NAV3: variants seen among roughly 807,000 people sequenced by gnomAD.
NAV3 encodes the protein neuron navigator 3, also known as pore membrane and/or filament interacting like protein 1.
In NAV3, 87 loss-of-function variants were observed where a neutral mutation model predicts 244.7. The ratio of observed to expected loss-of-function variants is 0.36; its 90% CI spans 0.30 to 0.42. The LOEUF (loss-of-function observed/expected upper bound fraction) is 0.42. Ranked by LOEUF, NAV3 falls within the 20% of genes least tolerant of loss-of-function variation. NAV3 has a pLI of 1.00. For synonymous variants in NAV3, 1,126 were observed against 1,042.2 expected, an observed-to-expected ratio of 1.08 and a Z score of -1.55; for missense variants, 2,663 against 2,893.3, an observed-to-expected ratio of 0.92 and a Z score of 1.83.
At chr12:78,093,920 G>A (rs1954097539) in intron 12 of NAV3, among the ~76,000 whole-genome samples, 2 of 152,054 alleles carry the variant, frequency 1.3e-5, no homozygotes, top group Admixed American at 6.6e-5. Flanking sequence ...GTTCAGTGCA[G>A]CCTCAAACAC....
intron 10 of NAV3, 118 bp downstream of exon 10, chr12:78,050,219 C>T: frequency 1.4e-6 from 1 of 732,282 alleles, no homozygotes; most frequent in African/African-American, 1.8e-5. Flanking sequence ...TATTTTCTCC[C>T]TTGTTTTATA....
chr12:77,598,013 A>T (rs1592489716), intron 2 of NAV3, among the ~76,000 whole-genome samples: 1 of 152,038 alleles, frequency 6.6e-6, no homozygotes, highest in South Asian at 2.1e-4. Flanking sequence ...AAAAAAATAC[A>T]TCCCTAGTAA....
chr12:77,989,686 G>A (rs1871133898), intron 5 of NAV3, among the ~76,000 whole-genome samples: 1 of 152,030 alleles, frequency 6.6e-6, no homozygotes, highest in African/African-American at 2.4e-5. Flanking sequence ...TGGGTTAATT[G>A]GTGAAATAAC....
At chr12:78,110,461 G>A (rs1171861153) in intron 12 of NAV3, among the ~76,000 whole-genome samples, 1 of 151,968 alleles carries the variant, frequency 6.6e-6, no homozygotes, top group African/African-American at 2.4e-5. Flanking sequence ...TGAGAACAGA[G>A]CCCAAATAGC....
At chr12:77,902,967 T>C (rs1454031371) in intron 1 of NAV3, among the ~76,000 whole-genome samples, 2 of 152,038 alleles carry the variant, frequency 1.3e-5, no homozygotes, top group Admixed American at 6.6e-5. Flanking sequence ...AGGAGAACTA[T>C]AAACCACTGC....
rs573147627 is a variant in NAV3, at chr12:77,590,762, A to G, written c.72+18496A>G. On this transcript the variant is annotated intron_variant, in intron 2 of 8. Transcript: ENST00000550042. Reference sequence around the variant, plus strand: ...ATAAAAGCTTAAAAATAATTTGTGTATAGACACAGGTTTTTATAGTTATTA... The same window carrying G: ...ATAAAAGCTTAAAAATAATTTGTGTGTAGACACAGGTTTTTATAGTTATTA... 2.6e-5 allele frequency among the ~76,000 whole-genome samples: 4 copies of G among 152,370 alleles called. No individual in the cohort carries two copies. The South Asian group carries it at 6.2e-4, about 24-fold the overall frequency.
chr12:77,701,435 G>C (rs917908151), intron 2 of NAV3, among the ~76,000 whole-genome samples: 1 of 151,606 alleles, frequency 6.6e-6, no homozygotes, highest in Non-Finnish European at 1.5e-5. Context: ...CTTTCTTCTT[G>C]ATCAGTCTTG....
rs555583506 is a variant in NAV3, at chr12:77,935,810, C to T, written c.244-4509C>T. 1.2e-3 allele frequency among the ~76,000 whole-genome samples: 179 copies of T among 152,262 alleles called. 1 individual carries two copies. Among genetic ancestry groups the T allele is most frequent in the Non-Finnish European group, 2.0e-3 (137 of 68,020 alleles). On this transcript the variant is annotated intron_variant, in intron 1 of 39. Transcript: ENST00000397909. ...GTCATGGTGGAAGGTGAAGGAGAAG[C>T]AAGATCATCTTACGTGGTGGGAGCC...
rs139655690 is a variant in NAV3, at chr12:78,002,257, G to A, written c.880+3781G>A. Among the ~76,000 whole-genome samples the A allele has an allele frequency of 9.9e-5, 15 of 152,166 alleles. No homozygotes were observed. In the East Asian group the frequency reaches 2.1e-3, roughly 22 times the overall value. On this transcript the variant is annotated intron_variant, in intron 7 of 39. Transcript: ENST00000397909. ...ATTTGATGGAGTTCCTTAGTGGAGA[G>A]GTGTTTTTCCATGTTGCTAAGAAAC...
At chr12:78,036,773 G>A (rs1879952072) in intron 9 of NAV3, 1 of 600,350 alleles carries the variant, frequency 1.7e-6, no homozygotes, top group African/African-American at 1.9e-5. Context: ...TGAAGTGCAT[G>A]TGATAATCAA....
In NAV3 at chr12:77,761,752, G is replaced by A. The variant is rs1869476658; in HGVS notation, c.73-178567G>A. ...ATACCATCTCATGCCAGTTAGAATG[G>A]CAATCATTAAAAAGTCAGAAAACAA... On this transcript the variant is annotated intron_variant, in intron 2 of 8. Coordinates refer to the NAV3 transcript ENST00000550042. Among the ~76,000 whole-genome samples, 5 of 152,186 alleles carry A rather than the reference G, an allele frequency of 3.3e-5. 1 individual carries two copies. The South Asian group carries it at 1.0e-3, about 32-fold the overall frequency.
At chr12:77,778,248 C>G (rs7964513) in intron 2 of NAV3, among the ~76,000 whole-genome samples, 81,138 of 143,872 alleles carry the variant, frequency 0.56, 23,119 homozygotes, top group South Asian at 0.7. Context: ...TCCTCCCCCC[C>G]GCCCCCCGTC....
intron 2 of NAV3, among the ~76,000 whole-genome samples, chr12:77,574,648 A>T (rs1368816897): frequency 6.6e-6 from 1 of 152,144 alleles, no homozygotes; most frequent in Non-Finnish European, 1.5e-5. Context: ...TGTTTGGCAT[A>T]TTGTACACAT....
intron 23 of NAV3, among the ~76,000 whole-genome samples, chr12:78,163,800 G>A (rs541639343): frequency 2.6e-4 from 40 of 152,084 alleles, no homozygotes; most frequent in Middle Eastern, 3.4e-3. Flanking sequence ...TGATATTGGC[G>A]TAGTTTGACC....
At chr12:77,746,638 G>T (rs1177150388) in intron 2 of NAV3, among the ~76,000 whole-genome samples, 1 of 152,078 alleles carries the variant, frequency 6.6e-6, no homozygotes, top group Non-Finnish European at 1.5e-5. Context: ...TGAGGGAATG[G>T]AAGTAATTAT....
At chr12:77,767,673 G>A (rs964896598) in intron 2 of NAV3, among the ~76,000 whole-genome samples, 1 of 152,218 alleles carries the variant, frequency 6.6e-6, no homozygotes, top group Admixed American at 6.5e-5. Flanking sequence ...GGCTTCAGCT[G>A]TGGGCACCTG....
intron 3 of NAV3, among the ~76,000 whole-genome samples, chr12:77,952,585 T>A (rs573889231): frequency 6.6e-6 from 1 of 152,248 alleles, no homozygotes; most frequent in South Asian, 2.1e-4. Context: ...CTGTTGGCAA[T>A]TTAGGTCTTT....
At chr12:78,147,909 C>A (rs986265661) in intron 21 of NAV3, among the ~76,000 whole-genome samples, 1 of 152,006 alleles carries the variant, frequency 6.6e-6, no homozygotes, top group Non-Finnish European at 1.5e-5. Flanking sequence ...ACTGAAATCC[C>A]TTGAGACTAG....
chr12:78,167,628 G>A (rs1477293038), intron 23 of NAV3, among the ~76,000 whole-genome samples: 1 of 151,092 alleles, frequency 6.6e-6, no homozygotes, highest in Non-Finnish European at 1.5e-5. Context: ...ATATATTCTG[G>A]GAGACATTGA....
Sources: gnomAD v4.1 joint callset for allele counts (sites outside exome capture counted in the v4.1 genomes callset) on GRCh38, gnomAD v4.1.1 for gene constraint, MANE v1.5 for transcripts, NCBI Gene and HGNC (gene_info 2026-07-23, HGNC 2026-07-21) for gene names.